The following TIMD4 variants were observed in gnomAD, a reference collection of about 807,000 sequenced individuals.
The protein encoded by TIMD4 is T cell immunoglobulin and mucin domain containing 4, also known as T-cell immunoglobulin and mucin domain-containing protein 4.
TIMD4 carries 31 observed loss-of-function variants against 41.2 expected under a neutral mutation model. The observed-to-expected ratio is 0.75, with a 90% CI of 0.57 to 1.01. TIMD4 has a LOEUF of 1.01. Among genes scored for constraint, TIMD4 ranks in the 50% least tolerant of loss-of-function variants. The probability of loss-of-function intolerance (pLI) is 0.00; values close to 1 mark genes in which losing one functional copy is unlikely to be tolerated. For missense variants in TIMD4, 479 were observed against 472.5 expected (o/e 1.01, Z -0.13); for synonymous variants, 204 against 177.1 (o/e 1.15, Z -1.21).
chr5:156,936,932 G>GAAA lies in TIMD4; in HGVS notation c.845-10623_845-10621dup, dbSNP rs979433463. Among the ~76,000 whole-genome samples, 377 of 92,612 alleles carry GAAA rather than the reference G, an allele frequency of 4.1e-3. 3 individuals are homozygous for GAAA. The highest frequency in any genetic ancestry group is 0.012 in the African/African-American group (327 of 26,688). The allele number at this position is 92,612 out of a possible 152,430, so 60.8% of individuals were successfully genotyped here. A position where few individuals can be genotyped will look rare whatever the true frequency, so the allele number is the denominator to read the frequency against. On this transcript the variant is annotated intron_variant, in intron 5 of 8. Transcript: ENST00000274532. ...GGGTAAGAGAGCGAGACTCCGTCTG[G>GAAA]AAAAAAAAAAAAAAAAAAAGGAAAT...
At chr5:156,920,354 C>T in intron 8 of TIMD4, 110 bp downstream of exon 8, 2 of 1,208,328 alleles carry the variant, frequency 1.7e-6, no homozygotes, top group Non-Finnish European at 2.4e-6. Context: ...CTTTCCAACT[C>T]TATGTGTAAT....
chr5:156,955,287 T>G (rs1344274439), intron 1 of TIMD4, among the ~76,000 whole-genome samples: 1 of 152,210 alleles, frequency 6.6e-6, no homozygotes, highest in Non-Finnish European at 1.5e-5. Context: ...AATCCTGACC[T>G]TGAAACCCAA....
chr5:156,937,748 A>C (rs1291688063), intron 5 of TIMD4, among the ~76,000 whole-genome samples: 1 of 152,234 alleles, frequency 6.6e-6, no homozygotes, highest in Non-Finnish European at 1.5e-5. Context: ...ATTAATAAAA[A>C]ATTGTACAGT....
intron 5 of TIMD4, among the ~76,000 whole-genome samples, chr5:156,929,792 A>G (rs1759414615): frequency 6.6e-6 from 1 of 152,250 alleles, no homozygotes; most frequent in Admixed American, 6.5e-5. Context: ...AATAAATTCA[A>G]AGGAATCAAC....
At chr5:156,956,342 ATGCTGGAGGGTAAGGTTTAC>A (rs1455944695) in intron 1 of TIMD4, among the ~76,000 whole-genome samples, 2 of 152,218 alleles carry the variant, frequency 1.3e-5, no homozygotes, top group African/African-American at 4.8e-5. Context: ...TAAAAAAAAA[ATGCTGGAGGGTAAGGTTTAC>A]TGCATCAGCT....
chr5:156,962,074 G>A (rs1309759467), intron 1 of TIMD4, among the ~76,000 whole-genome samples: 2 of 151,906 alleles, frequency 1.3e-5, no homozygotes, highest in African/African-American at 4.8e-5. Context: ...AGTCTACAAA[G>A]GATAGGGGAA....
chr5:156,954,563 A>G lies in TIMD4; in HGVS notation c.252T>C (p.Tyr84=), dbSNP rs760092945. The change falls in exon 2 of 9, where the codon TAT becomes TAC. Residue 84 remains tyrosine, a synonymous_variant. Coordinates refer to ENST00000274532, the MANE Select transcript of TIMD4 (RefSeq NM_138379.3). ...CTCTCGGGATAGTCCCCTGAAGTCT[A>G]TATTTTGCTGACTTTCTTGAGGTCA... ...MRVTSRKSAK[Y]RLQGTIPRGD... The G allele has an allele frequency of 3.7e-5, 59 of 1,614,112 alleles. No homozygotes were observed. The highest frequency in any genetic ancestry group is 5.0e-5 in the Admixed American group (3 of 60,000).
chr5:156,929,756 T>C (rs1759414272), intron 5 of TIMD4, among the ~76,000 whole-genome samples: 1 of 152,142 alleles, frequency 6.6e-6, no homozygotes, highest in Non-Finnish European at 1.5e-5. Context: ...AAGTTTGTGG[T>C]ACTTTGTGTT....
At chr5:156,953,547 C>T (rs1388645269) in intron 2 of TIMD4, among the ~76,000 whole-genome samples, 1 of 147,620 alleles carries the variant, frequency 6.8e-6, no homozygotes, top group Admixed American at 7.1e-5. Flanking sequence ...CCCAGCTACT[C>T]AGGAGGCTGA....
In TIMD4 at chr5:156,963,126, T is replaced by A. The variant is rs776251389; in HGVS notation, c.58+15A>T. 1 of 1,613,686 alleles carries A rather than the reference T, an allele frequency of 6.2e-7. No homozygotes were observed. Among genetic ancestry groups the A allele is most frequent in the South Asian group, 1.1e-5 (1 of 91,064 alleles). ...CCTCTGGAAACTTCTACATAGAAGG[T>A]TTCAGAACACTTACTCAGGTAAAGC... On this transcript the variant is annotated intron_variant, in intron 1 of 8. Transcript: ENST00000274532.
rs377724087 is a variant in TIMD4, at chr5:156,922,126, C to A, written c.985G>T (p.Ala329Ser). The A allele has an allele frequency of 1.2e-6, 2 of 1,613,774 alleles. No homozygotes were observed. Among genetic ancestry groups the A allele is most frequent in the African/African-American group, 1.3e-5 (1 of 75,030 alleles). The change falls in exon 7 of 9, where the codon GCA becomes TCA. Residue 329 changes from alanine (A) to serine (S), a missense_variant. Physicochemically the swap from Ala to Ser is moderately conservative, Grantham distance 99. Coordinates refer to ENST00000274532, the MANE Select transcript of TIMD4 (RefSeq NM_138379.3). Reference sequence around the variant, plus strand: ...CTCAGGAGAAACGCCACAAACAATGCGAAGAGCACAAATCCCAAGGAGGGG... The same window carrying A: ...CTCAGGAGAAACGCCACAAACAATGAGAAGAGCACAAATCCCAAGGAGGGG... ...IAPSLGFVLF[A>S]LFVAFLLRGK...
intron 1 of TIMD4, among the ~76,000 whole-genome samples, chr5:156,956,149 C>T (rs1328024563): frequency 1.3e-5 from 2 of 152,192 alleles, no homozygotes; most frequent in Non-Finnish European, 2.9e-5. Flanking sequence ...TCACCCACCC[C>T]CCAGCCTCTG....
chr5:156,927,195 G>A (rs1759363765), intron 5 of TIMD4, among the ~76,000 whole-genome samples: 1 of 152,260 alleles, frequency 6.6e-6, no homozygotes, highest in African/African-American at 2.4e-5. Flanking sequence ...TGAGGACAGA[G>A]TCCCTGTCTG....
chr5:156,949,229 T>C (rs1759805039), intron 4 of TIMD4, among the ~76,000 whole-genome samples: 1 of 152,174 alleles, frequency 6.6e-6, no homozygotes, highest in Non-Finnish European at 1.5e-5. Context: ...CGCTCCACTC[T>C]AAAAACCCAA....
At chr5:156,948,018 A>T (rs938024579) in intron 5 of TIMD4, among the ~76,000 whole-genome samples, 1 of 152,242 alleles carries the variant, frequency 6.6e-6, no homozygotes. Flanking sequence ...GAAGATTTCA[A>T]CAGAGGGACT....
intron 1 of TIMD4, among the ~76,000 whole-genome samples, chr5:156,956,246 G>A (rs929982882): frequency 8.6e-5 from 13 of 151,454 alleles, no homozygotes; most frequent in African/African-American, 3.2e-4. Flanking sequence ...TCTATGCCTC[G>A]CTTATTTCAC....
intron 5 of TIMD4, among the ~76,000 whole-genome samples, chr5:156,942,014 C>T (rs577568939): frequency 6.6e-6 from 1 of 152,296 alleles, no homozygotes; most frequent in East Asian, 1.9e-4. Context: ...TAACCCACTC[C>T]CCCATATTCT....
At chr5:156,924,990 G>A (rs1158555155) in intron 6 of TIMD4, among the ~76,000 whole-genome samples, 1 of 151,868 alleles carries the variant, frequency 6.6e-6, no homozygotes, top group Non-Finnish European at 1.5e-5. Flanking sequence ...TAAAATCCAA[G>A]TTAAAAAAAG....
chr5:156,951,124 G>A lies in TIMD4; in HGVS notation c.679+388C>T, dbSNP rs1197428716. On this transcript the variant is annotated intron_variant, in intron 3 of 8. Coordinates refer to ENST00000274532, the MANE Select transcript of TIMD4 (RefSeq NM_138379.3). ...TACCTTGGATGCAAATGTATATTGAGATAGCGCCTTTAAAGAGATAGTTAA... is the reference window on the plus strand; with the variant it reads ...TACCTTGGATGCAAATGTATATTGAAATAGCGCCTTTAAAGAGATAGTTAA... 5.3e-5 allele frequency among the ~76,000 whole-genome samples: 8 copies of A among 152,056 alleles called. No individual in the cohort carries two copies. In the East Asian group the frequency reaches 1.5e-3, roughly 29 times the overall value.
Sources: allele counts gnomAD v4.1 joint callset (sites outside exome capture counted in the v4.1 genomes callset), GRCh38; gene constraint gnomAD v4.1.1; transcripts MANE v1.5; gene names NCBI Gene and HGNC (gene_info 2026-07-23, HGNC 2026-07-21).